Variants in CYB5D2 observed in about 807,000 individuals in gnomAD.
CYB5D2 encodes neuferricin.
A neutral mutation model predicts 22.8 loss-of-function variants in CYB5D2; 23 were observed. The ratio of observed to expected loss-of-function variants is 1.01; its 90% CI spans 0.73 to 1.43. The LOEUF is 1.43. Among genes scored for constraint, CYB5D2 ranks in the 40% most tolerant of loss-of-function variants. The pLI is 0.00. For missense variants in CYB5D2, 373 were observed against 357.2 expected, an observed-to-expected ratio of 1.04 and a Z score of -0.36; for synonymous variants, 170 against 152.2, an observed-to-expected ratio of 1.12 and a Z score of -0.86.
At position 4,157,224 on chromosome 17, in the gene CYB5D2, C is replaced by A; in HGVS notation, c.*142C>A. ...CTCTGGCTATATTCTGCAAATGTGG[C>A]TCATGCCCCTTACCGTGGCTCGGCG... On this transcript the variant is annotated 3_prime_UTR_variant, in exon 4 of 4. Transcript: ENST00000301391. The surrounding 1 kb of genome is among the most constrained non-coding windows in gnomAD (Gnocchi z 4.4). The A allele has an allele frequency of 2.1e-6, 2 of 961,994 alleles. No homozygotes were observed. The allele number at this position is 961,994 out of a possible 1,614,324, so 59.6% of individuals were successfully genotyped here.
chr17:4,154,716 C>T lies in CYB5D2; in HGVS notation c.434C>T (p.Thr145Ile). ...TTCTACGGAGAGGATGGGCTGCCCA[C>T]CCCGGCACTGACCCAGGTAGAAGCT... ...GRFYGEDGLP[T>I]PALTQVEAAI... The change falls in exon 3 of 4, where the codon ACC becomes ATC. Residue 145 changes from threonine to isoleucine, a missense_variant. By Grantham distance (89) the Thr-to-Ile change is moderately conservative. Coordinates refer to ENST00000301391, the MANE Select transcript of CYB5D2 (RefSeq NM_144611.4). 6.2e-7 allele frequency: 1 copy of T among 1,614,190 alleles called. No homozygotes were observed. Among genetic ancestry groups the T allele is most frequent in the Non-Finnish European group, 8.5e-7 (1 of 1,180,032 alleles).
At chr17:4,147,136 T>A (rs1290896454) in intron 1 of CYB5D2, among the ~76,000 whole-genome samples, 1 of 152,240 alleles carries the variant, frequency 6.6e-6, no homozygotes, top group Non-Finnish European at 1.5e-5. Context: ...CTGGGCACAG[T>A]GGTCCATGCC....
intron 1 of CYB5D2, among the ~76,000 whole-genome samples, chr17:4,148,146 G>A (rs1231134130): frequency 6.6e-6 from 1 of 152,164 alleles, no homozygotes; most frequent in Non-Finnish European, 1.5e-5. Flanking sequence ...GGTGGAGACA[G>A]GCAGACTGAC....
chr17:4,154,195 C>A (rs1389409329), intron 2 of CYB5D2, among the ~76,000 whole-genome samples: 2 of 152,220 alleles, frequency 1.3e-5, no homozygotes, highest in Non-Finnish European at 2.9e-5. Flanking sequence ...CCTGTACCCC[C>A]ATCTACTCAA....
At position 4,154,828 on chromosome 17, in the gene CYB5D2, C is replaced by T. The variant is rs775864590; in HGVS notation, c.546C>T (p.Ala182=). Residue 182 remains alanine, a synonymous_variant, in exon 3 of 4, where the codon GCC becomes GCT. Transcript: ENST00000301391. ...CGTGCAACGCGGAGTGGAGCTCAGC[C>T]AGGGGCAGCCGGCTCTGGTGCTCCC... is the stretch of plus-strand genomic sequence containing the variant. ...FPPCNAEWSS[A]RGSRLWCSQK... The T allele has an allele frequency of 2.4e-5, 39 of 1,613,912 alleles. 2 individuals are homozygous for T. The highest frequency in any genetic ancestry group is 2.2e-4 in the South Asian group (20 of 91,084).
chr17:4,144,308 C>G (rs1486838272), intron 1 of CYB5D2, among the ~76,000 whole-genome samples: 1 of 145,226 alleles, frequency 6.9e-6, no homozygotes, highest in African/African-American at 2.5e-5. Context: ...GGCTGTGTGC[C>G]GGACTTTTGT....
rs184105669 is a variant in CYB5D2 at position 4,154,543 on chromosome 17, G to A, written c.392-131G>A. ...GGTGTGCAAGGCACCAGGAGTGCCT[G>A]CAGTAGAAGTTCTTATTAAACGCGC... On this transcript the variant is annotated intron_variant, in intron 2 of 3. Coordinates refer to ENST00000301391, the MANE Select transcript of CYB5D2 (RefSeq NM_144611.4). 1.4e-5 allele frequency: 14 copies of A among 1,020,438 alleles called. No homozygotes were observed. In the African/African-American group the frequency reaches 1.5e-4, roughly 11 times the overall value. 63.2% of individuals were successfully genotyped at this position (1,020,438 alleles called of 1,614,324 possible).
chr17:4,144,233 C>T (rs2058949241), intron 1 of CYB5D2, among the ~76,000 whole-genome samples: 1 of 152,270 alleles, frequency 6.6e-6, no homozygotes, highest in Non-Finnish European at 1.5e-5. Flanking sequence ...GCGTGACTTA[C>T]ATTGGAGAAA....
At chr17:4,144,213 C>T (rs1173594471) in intron 1 of CYB5D2, among the ~76,000 whole-genome samples, 3 of 152,156 alleles carry the variant, frequency 2.0e-5, no homozygotes, top group African/African-American at 4.8e-5. Context: ...CTGTCATCCA[C>T]CACCGCCCTG....
At position 4,157,267 on chromosome 17, in the gene CYB5D2, C is replaced by T; in HGVS notation, c.*185C>T. 1.5e-6 allele frequency: 1 copy of T among 673,002 alleles called. No individual in the cohort carries two copies. The highest frequency in any genetic ancestry group is 1.8e-5 in the African/African-American group (1 of 55,426). The allele number at this position is 673,002 out of a possible 1,614,324, so 41.7% of individuals were successfully genotyped here. On this transcript the variant is annotated 3_prime_UTR_variant, in exon 4 of 4. Transcript: ENST00000301391. The surrounding 1 kb of genome is among the most constrained non-coding windows in gnomAD (Gnocchi z 4.4). ...GCTCGGCGTTGTGGTGCCTGAGGGACAGCCGGCCACCTGCCCAGTACTGGT... is the reference window on the plus strand; with the variant it reads ...GCTCGGCGTTGTGGTGCCTGAGGGATAGCCGGCCACCTGCCCAGTACTGGT...
At chr17:4,153,409 C>T (rs376063750) in intron 2 of CYB5D2, among the ~76,000 whole-genome samples, 3 of 152,020 alleles carry the variant, frequency 2.0e-5, no homozygotes, top group South Asian at 2.1e-4. Flanking sequence ...CGAGGGGGGA[C>T]GTAGCTTGTA....
chr17:4,157,089 G>A lies in CYB5D2; in HGVS notation c.*7G>A, dbSNP rs76481447. On this transcript the variant is annotated 3_prime_UTR_variant, in exon 4 of 4. Coordinates refer to ENST00000301391, the MANE Select transcript of CYB5D2 (RefSeq NM_144611.4). This position sits in a 1 kb window ranked among gnomAD's most constrained non-coding sequence, Gnocchi z 4.4. ...ATGCTCCTTTCCACTCTAAGCCGTA[G>A]CCTCTTCTGTTAATAACACACAGAG... 53,872 of 1,611,944 alleles carry A rather than the reference G, an allele frequency of 0.033. 1,058 individuals carry two copies. The highest frequency in any genetic ancestry group is 0.038 in the Non-Finnish European group (44,843 of 1,179,860).
chr17:4,145,390 G>A (rs904754615), intron 1 of CYB5D2, among the ~76,000 whole-genome samples: 21 of 152,314 alleles, frequency 1.4e-4, no homozygotes, highest in African/African-American at 4.6e-4. Flanking sequence ...TTACTCAGGG[G>A]TACACAGTGA....
intron 1 of CYB5D2, among the ~76,000 whole-genome samples, chr17:4,148,562 G>A (rs1160382268): frequency 1.3e-5 from 2 of 150,968 alleles, no homozygotes; most frequent in East Asian, 3.9e-4. Context: ...CCCCAGGCTG[G>A]ATGCGGTGGC....
At position 4,157,501 on chromosome 17, in the gene CYB5D2, G is replaced by T. The variant is rs1196486844; in HGVS notation, c.*419G>T. ...AATTGGAAAAGCTTTTGCTTGTATG[G>T]ATACAGCAAATCCAGATGTCTCTGA... On this transcript the variant is annotated 3_prime_UTR_variant, in exon 4 of 4. Coordinates refer to ENST00000301391, the MANE Select transcript of CYB5D2 (RefSeq NM_144611.4). The surrounding 1 kb of genome is among the most constrained non-coding windows in gnomAD (Gnocchi z 4.4). 4.8e-6 allele frequency: 1 copy of T among 208,918 alleles called. No homozygotes were observed. Among genetic ancestry groups the T allele is most frequent in the African/African-American group, 2.3e-5 (1 of 42,834 alleles). The allele number at this position is 208,918 out of a possible 1,614,324, so 12.9% of individuals were successfully genotyped here. A position where few individuals can be genotyped will look rare whatever the true frequency, so the allele number is the denominator to read the frequency against.
At chr17:4,144,098 C>A (rs1470473625) in intron 1 of CYB5D2, 93 bp downstream of exon 1, 127 of 1,473,460 alleles carry the variant, frequency 8.6e-5, no homozygotes, top group Non-Finnish European at 1.1e-4. Flanking sequence ...ATCTATTTCC[C>A]CCCCCATCCC....
intron 1 of CYB5D2, among the ~76,000 whole-genome samples, chr17:4,146,042 A>G (rs1162648966): frequency 6.6e-6 from 1 of 152,146 alleles, no homozygotes; most frequent in African/African-American, 2.4e-5. Context: ...CAAGTGATTC[A>G]GCCGCTGAAA....
At position 4,145,567 on chromosome 17, in the gene CYB5D2, C is replaced by T. The variant is rs575483950; in HGVS notation, c.250+1562C>T. On this transcript the variant is annotated intron_variant, in intron 1 of 3. Transcript: ENST00000301391. ...GGAGTGCTTTTTATTTTTCAGTGTG[C>T]TCTGCTGTTTACTGAGCTCCCGTGT... 4.6e-5 allele frequency among the ~76,000 whole-genome samples: 7 copies of T among 152,230 alleles called. No individual in the cohort carries two copies. The South Asian group carries it at 8.3e-4, about 18-fold the overall frequency.
At chr17:4,144,044 G>A (rs2058941653) in intron 1 of CYB5D2, 39 bp downstream of exon 1, 2 of 1,545,012 alleles carry the variant, frequency 1.3e-6, no homozygotes, top group Non-Finnish European at 8.7e-7. Flanking sequence ...CTCCGCTGGC[G>A]CGAGCCAGTA....
Sources: gnomAD v4.1 joint callset for allele counts (sites outside exome capture counted in the v4.1 genomes callset) on GRCh38, gnomAD v4.1.1 for gene constraint, Gnocchi (gnomAD v3.1) non-coding constraint, MANE v1.5 for transcripts, NCBI Gene and HGNC (gene_info 2026-07-23, HGNC 2026-07-21) for gene names.